Variants in ECHS1 observed in about 807,000 individuals in gnomAD.
ECHS1 encodes the protein enoyl-CoA hydratase, short chain 1, also known as enoyl-CoA hydratase, mitochondrial.
In ECHS1, 19 loss-of-function variants were observed where a neutral mutation model predicts 33.5. The observed-to-expected ratio is 0.57, with a 90% confidence interval of 0.40 to 0.83. The LOEUF (loss-of-function observed/expected upper bound fraction) is 0.83, where lower values mean the gene tolerates loss of function less well. Ranked by LOEUF, ECHS1 falls within the 40% of genes least tolerant of loss-of-function variation. The pLI, the probability that ECHS1 is intolerant of heterozygous loss-of-function variation, is 0.00. For synonymous variants in ECHS1, 158 were observed against 146.6 expected (o/e 1.08, Z -0.56); for missense variants, 365 against 381.3 (o/e 0.96, Z 0.36).
chr10:133,366,759 G>T (rs1236973265), intron 5 of ECHS1, 130 bp downstream of exon 5: 1 of 663,716 alleles, frequency 1.5e-6, no homozygotes, highest in African/African-American at 1.8e-5. Context: ...CCCATGAGGG[G>T]GACACCTGGA....
intron 5 of ECHS1, 51 bp from the exon 6 acceptor site, chr10:133,366,146 TC>T (rs1849024807): frequency 6.3e-7 from 1 of 1,594,398 alleles, no homozygotes; most frequent in African/African-American, 1.3e-5. Context: ...CACTTGTCTA[TC>T]CCTTCTCGAG....
chr10:133,372,041 C>G (rs962705465), intron 1 of ECHS1, among the ~76,000 whole-genome samples: 6 of 152,190 alleles, frequency 3.9e-5, no homozygotes, highest in Non-Finnish European at 7.3e-5. Flanking sequence ...ATCCACCTGC[C>G]TCAGCCTCCC....
chr10:133,363,444 T>C (rs1042960660), intron 7 of ECHS1, among the ~76,000 whole-genome samples: 1 of 152,154 alleles, frequency 6.6e-6, no homozygotes, highest in African/African-American at 2.4e-5. Context: ...TATAGAACAA[T>C]TAAAACACCG....
chr10:133,363,355 G>GCGCGCA (rs1045264213), intron 7 of ECHS1, among the ~76,000 whole-genome samples: 1 of 144,888 alleles, frequency 6.9e-6, no homozygotes, highest in African/African-American at 2.6e-5. Context: ...GTGCGCGCGC[G>GCGCGCA]CACACACACA....
intron 7 of ECHS1, 79 bp from the exon 8 acceptor site, chr10:133,363,012 C>A: frequency 6.5e-7 from 1 of 1,543,424 alleles, no homozygotes. Flanking sequence ...GCCCGTCTCT[C>A]CCTGGCTCTG....
chr10:133,370,786 T>C, intron 1 of ECHS1, 29 bp from the exon 2 acceptor site: 1 of 1,593,040 alleles, frequency 6.3e-7, no homozygotes, highest in Non-Finnish European at 8.6e-7. Flanking sequence ...AAGGGGTATC[T>C]ATTCACACAG....
intron 6 of ECHS1, among the ~76,000 whole-genome samples, chr10:133,365,105 G>A (rs772280130): frequency 6.6e-6 from 1 of 152,256 alleles, no homozygotes; most frequent in African/African-American, 2.4e-5. Context: ...AGAGCTGGGC[G>A]CGGCCGGCAC....
At chr10:133,363,838 T>TTTA (rs1848997437) in intron 7 of ECHS1, among the ~76,000 whole-genome samples, 1 of 152,236 alleles carries the variant, frequency 6.6e-6, no homozygotes, top group East Asian at 1.9e-4. Flanking sequence ...TTTAAGTTAC[T>TTTA]GGCAGAAATC....
intron 6 of ECHS1, 152 bp downstream of exon 6, chr10:133,365,824 C>T (rs1849020115): frequency 6.2e-6 from 6 of 962,552 alleles, no homozygotes; most frequent in East Asian, 2.5e-5. Context: ...CCAGAAACCA[C>T]GACTCTACAG....
intron 7 of ECHS1, among the ~76,000 whole-genome samples, chr10:133,364,233 C>T (rs538526926): frequency 3.9e-5 from 6 of 152,240 alleles, no homozygotes; most frequent in South Asian, 2.1e-4. Context: ...GGTGAGCCAC[C>T]GCGCCCGGCC....
chr10:133,362,652 T>C lies in ECHS1; in HGVS notation c.*216A>G, dbSNP rs1848979947. 15 of 592,990 alleles carry C rather than the reference T, an allele frequency of 2.5e-5. No homozygotes were observed. The highest frequency in any genetic ancestry group is 3.0e-5 in the Non-Finnish European group (10 of 332,036). 36.7% of individuals were successfully genotyped at this position (592,990 alleles called of 1,614,324 possible). On this transcript the variant is annotated 3_prime_UTR_variant, in exon 8 of 8. Transcript: ENST00000368547. ...GACCAGCGGGGGCTCCTCAGCAGAATCTTAGATTTAGAAGGTGCTCCAGTC... is the reference window on the plus strand; with the variant it reads ...GACCAGCGGGGGCTCCTCAGCAGAACCTTAGATTTAGAAGGTGCTCCAGTC...
chr10:133,365,274 C>A (rs1048786818), intron 6 of ECHS1, among the ~76,000 whole-genome samples: 2 of 152,230 alleles, frequency 1.3e-5, no homozygotes, highest in Non-Finnish European at 2.9e-5. Flanking sequence ...CCTCGGGCGA[C>A]AGCAGCCTCC....
chr10:133,364,115 T>G (rs1336599593), intron 7 of ECHS1, among the ~76,000 whole-genome samples: 1 of 152,084 alleles, frequency 6.6e-6, no homozygotes. Context: ...CGGCTAATTT[T>G]TTGGATTTTT....
intron 7 of ECHS1, among the ~76,000 whole-genome samples, chr10:133,363,351 GCGCGCACACA>G (rs1217467849): frequency 8.0e-6 from 1 of 124,334 alleles, no homozygotes; most frequent in African/African-American, 2.8e-5. Context: ...AGGTGTGCGC[GCGCGCACACA>G]CACACACACA....
At chr10:133,371,934 C>A (rs1013117276) in intron 1 of ECHS1, among the ~76,000 whole-genome samples, 1 of 152,078 alleles carries the variant, frequency 6.6e-6, no homozygotes, top group African/African-American at 2.4e-5. Context: ...GTAGCTGGGA[C>A]TACGGTCACA....
rs2230261 is a variant in ECHS1 at position 133,366,926 on chromosome 10, A to C, written c.582T>G (p.Thr194=). ...GKSLAMEMVL[T]GDRISAQDAK... The stretch of plus-strand genomic sequence containing the variant: ...CGTCCTGGGCTGAGATCCGGTCACC[A>C]GTGAGGACCATCTCCATCGCCAGCG... Residue 194 remains threonine (T), a synonymous_variant, in exon 5 of 8, where the codon ACT becomes ACG. Coordinates refer to ENST00000368547, the MANE Select transcript of ECHS1 (RefSeq NM_004092.4). 6.2e-7 allele frequency: 1 copy of C among 1,612,326 alleles called. No individual in the cohort carries two copies. Among genetic ancestry groups the C allele is most frequent in the Admixed American group, 1.7e-5 (1 of 60,000 alleles).
intron 4 of ECHS1, among the ~76,000 whole-genome samples, chr10:133,367,888 C>G (rs909229762): frequency 2.0e-5 from 3 of 152,210 alleles, no homozygotes; most frequent in Non-Finnish European, 4.4e-5. Context: ...GAAGGGCCCC[C>G]TGTCCCATGA....
intron 4 of ECHS1, among the ~76,000 whole-genome samples, chr10:133,367,797 G>C (rs902292679): frequency 6.6e-6 from 1 of 151,750 alleles, no homozygotes; most frequent in African/African-American, 2.4e-5. Context: ...AAGTCTTAAA[G>C]TCTTTGATCT....
chr10:133,368,137 G>A (rs924144326), intron 4 of ECHS1, among the ~76,000 whole-genome samples: 5 of 152,128 alleles, frequency 3.3e-5, no homozygotes, highest in African/African-American at 1.2e-4. Flanking sequence ...GCTAAGCCCC[G>A]TAGGGCTGGA....
Sources: allele counts gnomAD v4.1 joint callset (sites outside exome capture counted in the v4.1 genomes callset), GRCh38; gene constraint gnomAD v4.1.1; transcripts MANE v1.5; gene names NCBI Gene and HGNC (gene_info 2026-07-23, HGNC 2026-07-21).